Variants in ULK4 observed in about 807,000 individuals in gnomAD.
The protein encoded by ULK4 is inactive serine/threonine-protein kinase ULK4.
Under a neutral mutation model 160.6 loss-of-function variants are expected in ULK4, and 133 were observed. The observed-to-expected ratio is 0.83, with a 90% CI of 0.72 to 0.96. The LOEUF is 0.96. Ranked by LOEUF, ULK4 falls within the 40% of genes least tolerant of loss-of-function variation. The probability of loss-of-function intolerance (pLI) is 0.00; values close to 1 mark genes in which losing one functional copy is unlikely to be tolerated. For missense variants in ULK4, 1,580 were observed against 1,499.5 expected (o/e 1.05, Z -0.89); for synonymous variants, 534 against 539.8 (o/e 0.99, Z 0.15).
intron 35 of ULK4, among the ~76,000 whole-genome samples, chr3:41,323,903 G>C (rs2080293388): frequency 6.6e-6 from 1 of 152,112 alleles, no homozygotes; most frequent in South Asian, 2.1e-4. Context: ...AATGGCATAG[G>C]TCAGTTACTT....
intron 17 of ULK4, among the ~76,000 whole-genome samples, chr3:41,853,217 T>C (rs1236603171): frequency 6.6e-6 from 1 of 152,138 alleles, no homozygotes; most frequent in Admixed American, 6.5e-5. Flanking sequence ...GGCCTGAGAA[T>C]TTGCATTTCT....
At chr3:41,341,310 T>C (rs2080679506) in intron 35 of ULK4, among the ~76,000 whole-genome samples, 1 of 152,226 alleles carries the variant, frequency 6.6e-6, no homozygotes, top group Non-Finnish European at 1.5e-5. Flanking sequence ...TGATAGTTTA[T>C]ATTATTTTCC....
chr3:41,755,369 A>G lies in ULK4; in HGVS notation c.2194-881T>C, dbSNP rs558449141. On this transcript the variant is annotated intron_variant, in intron 21 of 36. Coordinates refer to ENST00000301831, the MANE Select transcript of ULK4 (RefSeq NM_017886.4). ...GAATTTACATAGTCATGTATATGCC[A>G]TGTAAATTCTATGCTACTTAAGGAT... 5.9e-5 allele frequency among the ~76,000 whole-genome samples: 9 copies of G among 152,286 alleles called. No individual in the cohort carries two copies. In the East Asian group the frequency reaches 1.3e-3, roughly 23 times the overall value.
chr3:41,561,710 C>T (rs184553165), intron 32 of ULK4, among the ~76,000 whole-genome samples: 371 of 152,132 alleles, frequency 2.4e-3, no homozygotes, highest in East Asian at 0.013. Flanking sequence ...TGGTGATATC[C>T]TCTTTATCAT....
At chr3:41,779,993 A>AT (rs1330038371) in intron 21 of ULK4, among the ~76,000 whole-genome samples, 3 of 115,832 alleles carry the variant, frequency 2.6e-5, no homozygotes, top group Admixed American at 1.7e-4. Flanking sequence ...AATAAAAAAA[A>AT]AAAAAAAAAA....
intron 19 of ULK4, among the ~76,000 whole-genome samples, chr3:41,803,168 T>C (rs1235604350): frequency 2.2e-5 from 2 of 89,058 alleles, no homozygotes; most frequent in East Asian, 2.7e-4. Context: ...CAAGACTCCA[T>C]CTCAAAAAAA....
At chr3:41,568,425 T>C (rs2087858395) in intron 31 of ULK4, among the ~76,000 whole-genome samples, 3 of 152,230 alleles carry the variant, frequency 2.0e-5, no homozygotes, top group Admixed American at 1.3e-4. Context: ...TAAGTTTCTT[T>C]AGGATTGTTG....
At chr3:41,358,485 A>C (rs551840850) in intron 35 of ULK4, among the ~76,000 whole-genome samples, 3 of 152,316 alleles carry the variant, frequency 2.0e-5, no homozygotes, top group Non-Finnish European at 4.4e-5. Flanking sequence ...CTGTTCCTGC[A>C]GGCTGGTCAG....
intron 4 of ULK4, among the ~76,000 whole-genome samples, chr3:41,932,979 G>C (rs912436665): frequency 2.6e-5 from 4 of 152,338 alleles, no homozygotes; most frequent in Admixed American, 2.6e-4. Context: ...GGGAGGCAGA[G>C]GTTGCAGTGA....
At chr3:41,485,812 G>A (rs1011990682) in intron 32 of ULK4, among the ~76,000 whole-genome samples, 2 of 152,186 alleles carry the variant, frequency 1.3e-5, no homozygotes, top group African/African-American at 4.8e-5. Flanking sequence ...TAAAAAATTT[G>A]AAGTCACACT....
intron 25 of ULK4, among the ~76,000 whole-genome samples, chr3:41,705,661 T>TAAA (rs1385087965): frequency 6.6e-6 from 1 of 152,098 alleles, no homozygotes; most frequent in Non-Finnish European, 1.5e-5. Context: ...CACGCCTGGC[T>TAAA]AATTTTGTAT....
intron 32 of ULK4, among the ~76,000 whole-genome samples, chr3:41,557,888 A>C (rs1027307767): frequency 6.6e-6 from 1 of 152,170 alleles, no homozygotes. Flanking sequence ...AAACTTAACA[A>C]GAAATGCATA....
chr3:41,806,474 CT>C (rs1158884250), intron 19 of ULK4, among the ~76,000 whole-genome samples: 3 of 152,232 alleles, frequency 2.0e-5, no homozygotes, highest in South Asian at 4.2e-4. Flanking sequence ...TTTTTTGTGT[CT>C]GTATTTCCTT....
In ULK4 at chr3:41,759,825, T is replaced by A. The variant is rs1310345210; in HGVS notation, c.2194-5337A>T. On this transcript the variant is annotated intron_variant, in intron 21 of 36. Coordinates refer to ENST00000301831, the MANE Select transcript of ULK4 (RefSeq NM_017886.4). ...AGAAATATAGTCCATTAGTCTATGA[T>A]AAAGGTGCAAAGGCAACATTGGAAA... Among the ~76,000 whole-genome samples, 3 of 152,178 alleles carry A rather than the reference T, an allele frequency of 2.0e-5. No individual in the cohort carries two copies. In the East Asian group the frequency reaches 5.8e-4, roughly 29 times the overall value.
chr3:41,254,741 G>T (rs1484572390), intron 35 of ULK4, among the ~76,000 whole-genome samples: 7 of 151,940 alleles, frequency 4.6e-5, no homozygotes, highest in Non-Finnish European at 1.0e-4. Context: ...AATTAGCCAG[G>T]CGTGGTGGAG....
chr3:41,584,510 C>A (rs577409752), intron 31 of ULK4, among the ~76,000 whole-genome samples: 6 of 152,116 alleles, frequency 3.9e-5, no homozygotes, highest in African/African-American at 1.4e-4. Flanking sequence ...TGATCTTCAA[C>A]CCCTGGGCTG....
intron 22 of ULK4, among the ~76,000 whole-genome samples, chr3:41,723,832 A>C (rs895221956): frequency 6.6e-6 from 1 of 152,262 alleles, no homozygotes; most frequent in African/African-American, 2.4e-5. Flanking sequence ...CCCTTAGCCC[A>C]GTGGGCGCCT....
chr3:41,646,306 G>C (rs531408606), intron 30 of ULK4, among the ~76,000 whole-genome samples: 1 of 152,282 alleles, frequency 6.6e-6, no homozygotes, highest in East Asian at 1.9e-4. Context: ...TTTACACTTT[G>C]GCATGATTTT....
intron 35 of ULK4, among the ~76,000 whole-genome samples, chr3:41,376,388 G>C (rs143043695): frequency 2.0e-5 from 3 of 150,146 alleles, no homozygotes; most frequent in Non-Finnish European, 4.4e-5. Flanking sequence ...GCCCATCAAT[G>C]AGAGACTGGA....
Sources: gnomAD v4.1 joint callset for allele counts (sites outside exome capture counted in the v4.1 genomes callset) on GRCh38, gnomAD v4.1.1 for gene constraint, MANE v1.5 for transcripts, NCBI Gene and HGNC (gene_info 2026-07-23, HGNC 2026-07-21) for gene names.